Variants in RAP1GAP2 observed in about 807,000 individuals in gnomAD.
RAP1GAP2 encodes rap1 GTPase-activating protein 2.
RAP1GAP2 carries 27 observed loss-of-function variants against 95.0 expected under a neutral mutation model. That is an observed-to-expected ratio of 0.28 (90% CI 0.21 to 0.39). The LOEUF (loss-of-function observed/expected upper bound fraction) is 0.39, where lower values mean the gene tolerates loss of function less well. RAP1GAP2 is among the 10% of genes least tolerant of loss of function. The probability of loss-of-function intolerance (pLI) is 1.00; values close to 1 mark genes in which losing one functional copy is unlikely to be tolerated. For synonymous variants in RAP1GAP2, 373 were observed against 380.9 expected (o/e 0.98, Z 0.24); for missense variants, 771 against 970.0 (o/e 0.79, Z 2.72).
chr17:2,958,591 T>C (rs977522538), intron 4 of RAP1GAP2, among the ~76,000 whole-genome samples: 1 of 151,952 alleles, frequency 6.6e-6, no homozygotes, highest in African/African-American at 2.4e-5. Flanking sequence ...ATTATTATTA[T>C]CCCCATAGGA....
In RAP1GAP2 at chr17:2,867,918, C is replaced by T. The variant is rs1389267518; in HGVS notation, c.81-37366C>T. 2.0e-5 allele frequency among the ~76,000 whole-genome samples: 3 copies of T among 152,152 alleles called. No individual in the cohort carries two copies. In the East Asian group the frequency reaches 5.8e-4, roughly 29 times the overall value. On this transcript the variant is annotated intron_variant, in intron 2 of 24. Transcript: ENST00000254695. This position sits in a 1 kb window ranked among gnomAD's most constrained non-coding sequence, Gnocchi z 4.5. ...TGGATGAGGTGTGCTTTCTTCTTCA[C>T]GGATGCAGCTCGCGGGATCCCCAAG...
At chr17:3,028,671 G>A (rs928186300) in intron 22 of RAP1GAP2, among the ~76,000 whole-genome samples, 3 of 152,164 alleles carry the variant, frequency 2.0e-5, no homozygotes, top group African/African-American at 2.4e-5. Flanking sequence ...AAGAGTTCAC[G>A]TGCCTCCTCT....
chr17:2,970,916 TC>T (rs2044841932), intron 8 of RAP1GAP2, among the ~76,000 whole-genome samples: 1 of 151,932 alleles, frequency 6.6e-6, no homozygotes, highest in African/African-American at 2.4e-5. Context: ...ACACCTGTGG[TC>T]CCAGCTACTC....
At chr17:3,021,085 T>G (rs2046942587) in intron 19 of RAP1GAP2, among the ~76,000 whole-genome samples, 1 of 152,254 alleles carries the variant, frequency 6.6e-6, no homozygotes. Context: ...TGCATATTTT[T>G]GGGGTACGTG....
At chr17:2,913,703 T>A (rs538174795) in intron 3 of RAP1GAP2, among the ~76,000 whole-genome samples, 2 of 152,214 alleles carry the variant, frequency 1.3e-5, no homozygotes. Context: ...TTGTATTGTA[T>A]ACTTTGACTA....
intron 1 of RAP1GAP2, among the ~76,000 whole-genome samples, chr17:2,782,591 AC>A: frequency 6.6e-6 from 1 of 151,842 alleles, no homozygotes; most frequent in East Asian, 1.9e-4. Flanking sequence ...AATTTATCTC[AC>A]CATAATCACT....
rs1341340196 is a variant in RAP1GAP2, at chr17:2,981,318, T to TG, written c.729+74dup. On this transcript the variant is annotated intron_variant, in intron 10 of 24. Coordinates refer to ENST00000254695, the MANE Select transcript of RAP1GAP2 (RefSeq NM_015085.5). ...AAGGATTTGCAGACCTGTGGCTCTT[T>TG]GGGGAGTTCTCTGCATCATAGTGGG... is the stretch of plus-strand genomic sequence containing the variant. The TG allele has an allele frequency of 2.1e-6, 3 of 1,414,480 alleles. No individual in the cohort carries two copies. In the Admixed American group the frequency reaches 5.9e-5, roughly 28 times the overall value. The allele number at this position is 1,414,480 out of a possible 1,614,324, so 87.6% of individuals were successfully genotyped here.
intron 2 of RAP1GAP2, among the ~76,000 whole-genome samples, chr17:2,875,949 T>C (rs1254336372): frequency 6.6e-6 from 1 of 151,534 alleles, no homozygotes; most frequent in Non-Finnish European, 1.5e-5. Flanking sequence ...TGTTTGTTTT[T>C]TTTTTTGAGA....
chr17:2,978,339 G>A (rs1461896391), intron 8 of RAP1GAP2, among the ~76,000 whole-genome samples: 4 of 152,098 alleles, frequency 2.6e-5, no homozygotes, highest in East Asian at 3.9e-4. Context: ...GGATGAGGGT[G>A]GCTTGAACAC....
chr17:2,996,080 T>G (rs776467295), intron 13 of RAP1GAP2, among the ~76,000 whole-genome samples: 1 of 152,080 alleles, frequency 6.6e-6, no homozygotes, highest in Non-Finnish European at 1.5e-5. Context: ...CAGCCCCTGG[T>G]CATTTTGTCC....
chr17:2,758,037 T>C (rs1210846737), intron 1 of RAP1GAP2, among the ~76,000 whole-genome samples: 3 of 151,076 alleles, frequency 2.0e-5, no homozygotes, highest in Non-Finnish European at 4.4e-5. Flanking sequence ...GCCAGGCTAA[T>C]TTTTTGTATT....
At chr17:3,002,072 C>T (rs1287359970) in intron 14 of RAP1GAP2, among the ~76,000 whole-genome samples, 13 of 151,404 alleles carry the variant, frequency 8.6e-5, no homozygotes, top group Admixed American at 8.6e-4. Flanking sequence ...AAGCAATTCT[C>T]CTGCCTCAGC....
At chr17:2,780,245 T>G (rs1350863708) in intron 1 of RAP1GAP2, among the ~76,000 whole-genome samples, 7 of 152,314 alleles carry the variant, frequency 4.6e-5, no homozygotes, top group Non-Finnish European at 1.0e-4. Flanking sequence ...GGGACAGGGT[T>G]TCTCCATGTT....
At chr17:2,833,084 C>A (rs1331978024) in intron 2 of RAP1GAP2, among the ~76,000 whole-genome samples, 1 of 152,018 alleles carries the variant, frequency 6.6e-6, no homozygotes, top group African/African-American at 2.4e-5. Flanking sequence ...GTTTAGGGTC[C>A]AGCTTACAAA....
chr17:2,878,021 A>G (rs1368102899), intron 2 of RAP1GAP2, among the ~76,000 whole-genome samples: 1 of 152,002 alleles, frequency 6.6e-6, no homozygotes, highest in Non-Finnish European at 1.5e-5. Context: ...GCAGAGTGAA[A>G]GGCTTGTTGT....
At chr17:2,933,640 C>T (rs1336729434) in intron 3 of RAP1GAP2, among the ~76,000 whole-genome samples, 3 of 152,250 alleles carry the variant, frequency 2.0e-5, no homozygotes, top group African/African-American at 7.2e-5. Context: ...GCTCACTTTC[C>T]TGCCTCTAAG....
Position 3,033,521 on chromosome 17 carries a change from C to T in RAP1GAP2, c.*160C>T, listed in dbSNP as rs2047392934. 1 of 153,220 alleles carries T rather than the reference C, an allele frequency of 6.5e-6. No homozygotes were observed. Among genetic ancestry groups the T allele is most frequent in the Admixed American group, 6.5e-5 (1 of 15,284 alleles). 9.5% of individuals were successfully genotyped at this position (153,220 alleles called of 1,614,324 possible). A position where few individuals can be genotyped will look rare whatever the true frequency, so the allele number is the denominator to read the frequency against. ...ACAGATGTGCTGTTGGTCCAGGTGT[C>T]CCAGTCTGGCCACAGCCCTGCCTCC... On this transcript the variant is annotated 3_prime_UTR_variant, in exon 25 of 25. Coordinates refer to ENST00000254695, the MANE Select transcript of RAP1GAP2 (RefSeq NM_015085.5). This position sits in a 1 kb window ranked among gnomAD's most constrained non-coding sequence, Gnocchi z 4.9.
At chr17:2,964,898 T>A (rs1452070769) in intron 7 of RAP1GAP2, 1 of 152,464 alleles carries the variant, frequency 6.6e-6, no homozygotes, top group Non-Finnish European at 1.5e-5. Context: ...CTTTGCAGAG[T>A]CTCACGTGAC....
At chr17:2,769,901 C>T (rs60027706) in intron 1 of RAP1GAP2, among the ~76,000 whole-genome samples, 9,254 of 151,826 alleles carry the variant, frequency 0.061, 377 homozygotes, top group African/African-American at 0.11. Context: ...GGTAAAACCC[C>T]GTCTCAACTA....
Sources: allele counts gnomAD v4.1 joint callset (sites outside exome capture counted in the v4.1 genomes callset), GRCh38; gene constraint gnomAD v4.1.1; non-coding constraint Gnocchi (gnomAD v3.1); transcripts MANE v1.5; gene names NCBI Gene and HGNC (gene_info 2026-07-23, HGNC 2026-07-21).